The following CTNNA2 variants were observed in gnomAD, a reference collection of about 807,000 sequenced individuals.
CTNNA2 encodes catenin alpha 2.
A neutral mutation model predicts 101.0 loss-of-function variants in CTNNA2; 42 were observed. The ratio of observed to expected loss-of-function variants is 0.42; its 90% CI spans 0.32 to 0.54. The LOEUF (loss-of-function observed/expected upper bound fraction) is 0.54. Ranked by LOEUF, CTNNA2 falls within the 20% of genes least tolerant of loss-of-function variation. CTNNA2 has a pLI of 0.14. For missense variants in CTNNA2, 871 were observed against 1,223.1 expected (o/e 0.71, Z 4.29); for synonymous variants, 450 against 456.4 (o/e 0.99, Z 0.18).
chr2:79,805,057 A>T (rs1676464167), intron 3 of CTNNA2, among the ~76,000 whole-genome samples: 1 of 152,148 alleles, frequency 6.6e-6, no homozygotes, highest in African/African-American at 2.4e-5. Flanking sequence ...TTAATTGAAC[A>T]TCAAATGCTT....
chr2:80,542,965 C>G (rs1262703084), intron 9 of CTNNA2, among the ~76,000 whole-genome samples: 1 of 152,074 alleles, frequency 6.6e-6, no homozygotes, highest in Non-Finnish European at 1.5e-5. Context: ...TGGTTAACAC[C>G]ATAACATTGG....
chr2:79,297,917 A>G (rs568916908), intron 2 of CTNNA2, among the ~76,000 whole-genome samples: 1 of 152,316 alleles, frequency 6.6e-6, no homozygotes, highest in Admixed American at 6.5e-5. Flanking sequence ...TCTATCTCTC[A>G]TTTGATCTCC....
chr2:79,788,047 G>A (rs941949771), intron 3 of CTNNA2, among the ~76,000 whole-genome samples: 4 of 152,124 alleles, frequency 2.6e-5, no homozygotes, highest in African/African-American at 9.7e-5. Context: ...GTACACTAGA[G>A]GGTATGTCCG....
At chr2:80,602,846 A>T (rs1332591267) in intron 15 of CTNNA2, among the ~76,000 whole-genome samples, 1 of 152,100 alleles carries the variant, frequency 6.6e-6, no homozygotes, top group Non-Finnish European at 1.5e-5. Context: ...CTGTCTTTGT[A>T]TTTAAACATT....
chr2:79,716,199 CTT>C (rs1686091879), intron 2 of CTNNA2, among the ~76,000 whole-genome samples: 1 of 152,198 alleles, frequency 6.6e-6, no homozygotes, highest in South Asian at 2.1e-4. Flanking sequence ...AAAAGGAAGA[CTT>C]TTAAAAATTT....
intron 9 of CTNNA2, among the ~76,000 whole-genome samples, chr2:80,492,828 T>C (rs1687167109): frequency 6.6e-6 from 1 of 152,182 alleles, no homozygotes; most frequent in East Asian, 1.9e-4. Flanking sequence ...TGGTTTTCTT[T>C]TCTTACTAGT....
At position 80,229,028 on chromosome 2, in the gene CTNNA2, A is replaced by T. The variant is rs543700426; in HGVS notation, c.1057-164183A>T. Among the ~76,000 whole-genome samples the T allele has an allele frequency of 1.1e-4, 16 of 152,284 alleles. No homozygotes were observed. The East Asian group carries it at 1.9e-3, about 18-fold the overall frequency. ...CCTTGATATCTAATGGATGACAGAG[A>T]ATTATTTTTTAAAGGTAGCTTCTCC... On this transcript the variant is annotated intron_variant, in intron 7 of 18. Transcript: ENST00000402739.
At chr2:79,289,905 T>C (rs572970779) in intron 2 of CTNNA2, among the ~76,000 whole-genome samples, 14 of 152,316 alleles carry the variant, frequency 9.2e-5, no homozygotes, top group African/African-American at 3.1e-4. Flanking sequence ...TTGCATTGCT[T>C]ACTAGCTGGA....
intron 7 of CTNNA2, among the ~76,000 whole-genome samples, chr2:80,296,948 A>T (rs1051744360): frequency 7.2e-5 from 11 of 152,196 alleles, no homozygotes; most frequent in African/African-American, 2.7e-4. Context: ...CTAAGGAAGA[A>T]ATGCAGATAA....
intron 15 of CTNNA2, among the ~76,000 whole-genome samples, chr2:80,596,510 C>T (rs1465921896): frequency 2.0e-4 from 30 of 151,086 alleles, no homozygotes; most frequent in Non-Finnish European, 2.9e-5. Context: ...GACGGGGCTT[C>T]ACCGTGTTCG....
intron 3 of CTNNA2, among the ~76,000 whole-genome samples, chr2:79,857,086 C>T (rs1681202906): frequency 6.6e-6 from 1 of 152,226 alleles, no homozygotes; most frequent in Admixed American, 6.5e-5. Flanking sequence ...CAGAGAACTG[C>T]AGGTCTCTGT....
intron 9 of CTNNA2, among the ~76,000 whole-genome samples, chr2:80,528,242 C>T (rs1490987789): frequency 5.9e-5 from 9 of 152,286 alleles, no homozygotes; most frequent in Non-Finnish European, 1.3e-4. Context: ...GTCGCCTAGG[C>T]TGGAGTACAG....
chr2:79,578,734 G>A (rs1017439618), intron 1 of CTNNA2, among the ~76,000 whole-genome samples: 8 of 152,112 alleles, frequency 5.3e-5, no homozygotes, highest in Admixed American at 1.3e-4. Context: ...GGGCCTGTTT[G>A]ACAGTCTCCA....
chr2:80,103,794 G>T (rs1409921475), intron 7 of CTNNA2, among the ~76,000 whole-genome samples: 2 of 152,184 alleles, frequency 1.3e-5, no homozygotes, highest in African/African-American at 4.8e-5. Context: ...GAGTGCAGTG[G>T]CGTGATCTTG....
chr2:79,598,468 C>T (rs1005477071), intron 1 of CTNNA2, among the ~76,000 whole-genome samples: 1 of 152,236 alleles, frequency 6.6e-6, no homozygotes, highest in Non-Finnish European at 1.5e-5. Flanking sequence ...TCCTCGCCAG[C>T]ATTTGGTGCT....
rs147753751 is a variant in CTNNA2 at position 79,219,385 on chromosome 2, A to G, written c.-406+21309A>G. 2.0e-3 allele frequency among the ~76,000 whole-genome samples: 309 copies of G among 152,344 alleles called. 9 individuals carry two copies. The East Asian group carries it at 0.038, about 19-fold the overall frequency. On this transcript the variant is annotated intron_variant, in intron 2 of 21. Transcript: ENST00000466387. ...TTTATTTCGCACCGTCCTATAGAGT[A>G]GCCACTGCCCTCATGTGACTATTGA...
rs532518566 is a variant in CTNNA2, at chr2:79,411,231, A to T, written c.-135+37218A>T. 7.3e-5 allele frequency among the ~76,000 whole-genome samples: 11 copies of T among 151,448 alleles called. No individual in the cohort carries two copies. In the East Asian group the frequency reaches 7.8e-4, roughly 11 times the overall value. On this transcript the variant is annotated intron_variant, in intron 4 of 21. Coordinates refer to the CTNNA2 transcript ENST00000466387. Reference sequence around the variant, plus strand: ...TCTTGCTAGCGGTCTATCAATTTTGATGATCCTTTCAAAAAACCAGCTCCT... The same window carrying T: ...TCTTGCTAGCGGTCTATCAATTTTGTTGATCCTTTCAAAAAACCAGCTCCT...
chr2:79,380,854 A>C (rs1374898264), intron 4 of CTNNA2, among the ~76,000 whole-genome samples: 1 of 152,228 alleles, frequency 6.6e-6, no homozygotes, highest in African/African-American at 2.4e-5. Context: ...GAAACCCTGC[A>C]CTGCAGTCCA....
chr2:80,445,341 C>T (rs1159559136), intron 9 of CTNNA2, among the ~76,000 whole-genome samples: 2 of 151,922 alleles, frequency 1.3e-5, no homozygotes, highest in African/African-American at 4.8e-5. Flanking sequence ...ACCACCATGC[C>T]TGGCTAAGTT....
Sources: allele counts gnomAD v4.1 joint callset (sites outside exome capture counted in the v4.1 genomes callset), GRCh38; gene constraint gnomAD v4.1.1; transcripts MANE v1.5; gene names NCBI Gene and HGNC (gene_info 2026-07-23, HGNC 2026-07-21).